The following ADGRF4 variants were observed in gnomAD, a reference collection of about 807,000 sequenced individuals.
ADGRF4 encodes the protein G-protein coupled receptor PGR18.
ADGRF4 carries 63 observed loss-of-function variants against 58.5 expected under a neutral mutation model. That is an observed-to-expected ratio of 1.08 (90% CI 0.88 to 1.33). The LOEUF (loss-of-function observed/expected upper bound fraction) is 1.33, where lower values mean the gene tolerates loss of function less well. Ranked by LOEUF, ADGRF4 falls within the 40% of genes most tolerant of loss-of-function variation. The probability of loss-of-function intolerance (pLI) is 0.00; values close to 1 mark genes in which losing one functional copy is unlikely to be tolerated. For synonymous variants in ADGRF4, 313 were observed against 295.4 expected (o/e 1.06, Z -0.61); for missense variants, 931 against 843.9 (o/e 1.10, Z -1.28).
Position 47,709,969 on chromosome 6 carries a change from T to C in ADGRF4, c.149-766T>C, listed in dbSNP as rs114913211. ...CCAGAGAAGGCTGGAATGTGTCTTATGGAGAAAATGCATATGTTAGATAAG... is the reference window on the plus strand; with the variant it reads ...CCAGAGAAGGCTGGAATGTGTCTTACGGAGAAAATGCATATGTTAGATAAG... On this transcript the variant is annotated intron_variant, in intron 3 of 9. Transcript: ENST00000283303. Among the ~76,000 whole-genome samples, 719 of 152,262 alleles carry C rather than the reference T, an allele frequency of 4.7e-3. 3 individuals carry two copies. Among genetic ancestry groups the C allele is most frequent in the African/African-American group, 0.014 (583 of 41,550 alleles).
At chr6:47,709,377 G>A (rs1477558602) in intron 3 of ADGRF4, among the ~76,000 whole-genome samples, 1 of 152,160 alleles carries the variant, frequency 6.6e-6, no homozygotes, top group Non-Finnish European at 1.5e-5. Context: ...ATTCATTTAC[G>A]TATTGTCTTT....
chr6:47,718,648 C>G (rs1355995322), intron 9 of ADGRF4, among the ~76,000 whole-genome samples: 13 of 107,274 alleles, frequency 1.2e-4, no homozygotes, highest in Admixed American at 1.1e-3. Flanking sequence ...AAACCTATGT[C>G]ATCTCAGCTT....
Position 47,714,147 on chromosome 6 carries a change from T to C in ADGRF4, c.902T>C (p.Ile301Thr), listed in dbSNP as rs1771940175. ...ISIAFPTLGA[I>T]LREAHLQNVS... ...ATAGCTTTCCCAACCTTGGGGGCTA[T>C]CCTGAGAGAAGCCCACTTGCAAAAT... is the stretch of plus-strand genomic sequence containing the variant. Residue 301 changes from isoleucine to threonine, a missense_variant, in exon 6 of 10, where the codon ATC (isoleucine) becomes ACC (threonine). Transcript: ENST00000283303. 6.2e-7 allele frequency: 1 copy of C among 1,613,856 alleles called. No homozygotes were observed.
rs1771932338 is a variant in ADGRF4, at chr6:47,713,882, G to A, written c.637G>A (p.Asp213Asn). ...AFIPNKNASS[D>N]LLQSVNLFAR... ...CATTCCCAACAAAAATGCCAGCTCG[G>A]ATTTGTTGCAGTCAGTGAATTTGTT... The change falls in exon 6 of 10, where the codon GAT (aspartate) becomes AAT (asparagine). Residue 213 changes from aspartate to asparagine, a missense_variant. By Grantham distance (23) the Asp-to-Asn change is conservative (BLOSUM62 1). Transcript: ENST00000283303. 1.2e-6 allele frequency: 2 copies of A among 1,607,144 alleles called. No individual in the cohort carries two copies. The highest frequency in any genetic ancestry group is 1.7e-6 in the Non-Finnish European group (2 of 1,177,376).
intron 1 of ADGRF4, among the ~76,000 whole-genome samples, chr6:47,703,555 T>A (rs1357671685): frequency 2.0e-5 from 3 of 152,228 alleles, no homozygotes; most frequent in Non-Finnish European, 4.4e-5. Flanking sequence ...CCAACATTTG[T>A]AATATCGGAA....
intron 9 of ADGRF4, among the ~76,000 whole-genome samples, chr6:47,720,192 G>C (rs1772124568): frequency 6.6e-6 from 1 of 151,944 alleles, no homozygotes; most frequent in South Asian, 2.1e-4. Flanking sequence ...GCAGCACCAG[G>C]GGGTCTCTCA....
chr6:47,709,265 C>T (rs1012679392), intron 3 of ADGRF4, among the ~76,000 whole-genome samples: 2 of 152,216 alleles, frequency 1.3e-5, no homozygotes, highest in South Asian at 2.1e-4. Flanking sequence ...TTTCAACAGC[C>T]TCGTTCTTCC....
At chr6:47,719,165 G>A (rs916668813) in intron 9 of ADGRF4, among the ~76,000 whole-genome samples, 2 of 152,138 alleles carry the variant, frequency 1.3e-5, no homozygotes, top group African/African-American at 4.8e-5. Context: ...TCCATATATT[G>A]AGCAATGGGC....
At chr6:47,711,518 C>T (rs1296629011) in intron 4 of ADGRF4, among the ~76,000 whole-genome samples, 2 of 152,230 alleles carry the variant, frequency 1.3e-5, no homozygotes, top group East Asian at 3.8e-4. Flanking sequence ...ACCTCGGCCT[C>T]CCAAAGTGCT....
At chr6:47,715,786 C>G (rs528139658) in intron 6 of ADGRF4, among the ~76,000 whole-genome samples, 2 of 152,264 alleles carry the variant, frequency 1.3e-5, no homozygotes, top group East Asian at 1.9e-4. Flanking sequence ...AATAATGTAA[C>G]TAAACATCAA....
rs116742710 is a variant in ADGRF4 at position 47,714,531 on chromosome 6, G to A, written c.1286G>A (p.Arg429Gln). 1,313 of 1,614,076 alleles carry A rather than the reference G, an allele frequency of 8.1e-4. 5 individuals are homozygous for A. The African/African-American group carries it at 0.015, about 19-fold the overall frequency. ...CLIIEATVWS[R>Q]VVVTEISYMR... is the part of the protein sequence containing the mutation. ...ATCATTGAAGCCACAGTGTGGTCCC[G>A]GGTGGTTGTGACGGAGATATCATAC... Residue 429 changes from arginine (R) to glutamine (Q), a missense_variant, in exon 6 of 10, where the codon CGG becomes CAG. By Grantham distance (43) the Arg-to-Gln change is conservative. Transcript: ENST00000283303.
chr6:47,707,205 G>A (rs771633032), intron 1 of ADGRF4, 25 bp from the exon 2 acceptor site: 1 of 1,272,658 alleles, frequency 7.9e-7, no homozygotes. Flanking sequence ...CCTTCAGGTG[G>A]GTATGCCTTC....
At chr6:47,709,479 A>G (rs2095651) in intron 3 of ADGRF4, among the ~76,000 whole-genome samples, 144,410 of 152,328 alleles carry the variant, frequency 0.95, 68,919 homozygotes, top group East Asian at 1. Flanking sequence ...TCTGGCTAGA[A>G]TTACCATATT....
intron 1 of ADGRF4, among the ~76,000 whole-genome samples, chr6:47,703,846 T>C (rs757698481): frequency 6.6e-6 from 1 of 152,226 alleles, no homozygotes; most frequent in Non-Finnish European, 1.5e-5. Context: ...TGTTGGATCC[T>C]TTACTCCCTG....
intron 4 of ADGRF4, 148 bp downstream of exon 4, chr6:47,711,034 T>C (rs749969870): frequency 8.7e-5 from 61 of 705,038 alleles, no homozygotes; most frequent in Non-Finnish European, 1.2e-4. Flanking sequence ...TTTCTTGACC[T>C]TCTTTCCTTA....
rs191760865 is a variant in ADGRF4, at chr6:47,721,849, T to C, written c.*644T>C. ...TAATTTAGCTTCTAGGATCCAAGTT[T>C]CCTTATTTGTGAAACAGGAAAAAAA... is the stretch of plus-strand genomic sequence containing the variant. On this transcript the variant is annotated 3_prime_UTR_variant, in exon 10 of 10. Coordinates refer to ENST00000283303, the MANE Select transcript of ADGRF4 (RefSeq NM_153838.5). The C allele has an allele frequency of 1.3e-5, 2 of 151,034 alleles. No individual in the cohort carries two copies. The highest frequency in any genetic ancestry group is 3.9e-4 in the East Asian group (2 of 5,190). The allele number at this position is 151,034 out of a possible 1,614,324, so 9.4% of individuals were successfully genotyped here.
Position 47,712,362 on chromosome 6 carries a change from A to C in ADGRF4, c.306A>C (p.Ser102=). 1 of 1,614,016 alleles carries C rather than the reference A, an allele frequency of 6.2e-7. No homozygotes were observed. The highest frequency in any genetic ancestry group is 1.1e-5 in the South Asian group (1 of 91,058). Residue 102 remains serine (S), a synonymous_variant, in exon 5 of 10, where the codon TCA becomes TCC. Coordinates refer to ENST00000283303, the MANE Select transcript of ADGRF4 (RefSeq NM_153838.5). ...SLSVEKLFKD[S]TGASRLSVAA... is the part of the protein sequence containing the mutation. ...ACTACATTTGTTTTAAACAGGACTC[A>C]ACTGGTGCATCTCGCCTTTCTGTAG...
chr6:47,714,114 C>T lies in ADGRF4; in HGVS notation c.869C>T (p.Ala290Val). Residue 290 changes from alanine to valine, a missense_variant, in exon 6 of 10, where the codon GCC becomes GTC. Transcript: ENST00000283303. ...LRKLWPNASQ[A>V]ISIAFPTLGA... ...AAGCTGTGGCCAAATGCATCCCAAGCCATTAGCATAGCTTTCCCAACCTTG... is the reference window on the plus strand; with the variant it reads ...AAGCTGTGGCCAAATGCATCCCAAGTCATTAGCATAGCTTTCCCAACCTTG... 1 of 1,614,036 alleles carries T rather than the reference C, an allele frequency of 6.2e-7. No homozygotes were observed.
chr6:47,712,918 C>T (rs1771907281), intron 5 of ADGRF4, among the ~76,000 whole-genome samples: 1 of 152,320 alleles, frequency 6.6e-6, no homozygotes, highest in Non-Finnish European at 1.5e-5. Context: ...GGGTCCCCAA[C>T]ACCCAGGCAG....
Sources: gnomAD v4.1 joint callset for allele counts (sites outside exome capture counted in the v4.1 genomes callset) on GRCh38, gnomAD v4.1.1 for gene constraint, MANE v1.5 for transcripts, NCBI Gene and HGNC (gene_info 2026-07-23, HGNC 2026-07-21) for gene names.